Variants in B3GALT1 observed in about 807,000 individuals in gnomAD.
B3GALT1 encodes beta-1,3-galactosyltransferase 1, also known as UDP-Gal:betaGlcNAc beta 1,3-galactosyltransferase, polypeptide 1.
B3GALT1 carries 10 observed loss-of-function variants against 23.2 expected under a neutral mutation model. The ratio of observed to expected loss-of-function variants is 0.43; its 90% CI spans 0.27 to 0.73. The LOEUF (loss-of-function observed/expected upper bound fraction) is 0.73. Ranked by LOEUF, B3GALT1 falls within the 30% of genes least tolerant of loss-of-function variation. B3GALT1 has a pLI of 0.21. For synonymous variants in B3GALT1, 156 were observed against 141.5 expected, an observed-to-expected ratio of 1.10 and a Z score of -0.73; for missense variants, 299 against 405.4, an observed-to-expected ratio of 0.74 and a Z score of 2.25.
chr2:167,746,595 A>G (rs956636378), intron 3 of B3GALT1, among the ~76,000 whole-genome samples: 7 of 152,246 alleles, frequency 4.6e-5, no homozygotes, highest in African/African-American at 1.2e-4. Flanking sequence ...ATATGTGACA[A>G]TGGAGCCGCT....
intron 2 of B3GALT1, among the ~76,000 whole-genome samples, chr2:167,492,908 G>C (rs1401726126): frequency 2.1e-5 from 3 of 145,236 alleles, no homozygotes; most frequent in Non-Finnish European, 4.5e-5. Flanking sequence ...TGTGTACCTA[G>C]TATTCTCTGT....
chr2:167,480,464 C>T (rs989208710), intron 1 of B3GALT1, among the ~76,000 whole-genome samples: 6 of 152,194 alleles, frequency 3.9e-5, no homozygotes, highest in Non-Finnish European at 5.9e-5. Flanking sequence ...GCTAGGGCTG[C>T]CCACTCTGCA....
chr2:167,416,245 C>G (rs1346247392), intron 1 of B3GALT1, among the ~76,000 whole-genome samples: 1 of 152,174 alleles, frequency 6.6e-6, no homozygotes, highest in Non-Finnish European at 1.5e-5. Flanking sequence ...GGCCTGCTGC[C>G]CAGGGTTACC....
chr2:167,470,885 A>G (rs2105330816), intron 1 of B3GALT1, among the ~76,000 whole-genome samples: 1 of 152,344 alleles, frequency 6.6e-6, no homozygotes, highest in South Asian at 2.1e-4. Flanking sequence ...GATCAATTTC[A>G]TATAGCTATT....
intron 2 of B3GALT1, among the ~76,000 whole-genome samples, chr2:167,569,708 G>A (rs1031935843): frequency 6.6e-6 from 1 of 151,822 alleles, no homozygotes; most frequent in Admixed American, 6.6e-5. Flanking sequence ...TTGAAAAGGA[G>A]TGATGAGAGG....
intron 1 of B3GALT1, among the ~76,000 whole-genome samples, chr2:167,484,958 C>A (rs527301266): frequency 1.3e-5 from 2 of 152,162 alleles, no homozygotes; most frequent in East Asian, 3.9e-4. Context: ...CGGTATCTTA[C>A]AGCTGTAAAG....
chr2:167,537,380 T>C (rs1185464155), intron 2 of B3GALT1, among the ~76,000 whole-genome samples: 3 of 151,864 alleles, frequency 2.0e-5, no homozygotes, highest in African/African-American at 7.3e-5. Flanking sequence ...ACCATATCAG[T>C]GATCAAAAAG....
intron 3 of B3GALT1, among the ~76,000 whole-genome samples, chr2:167,711,958 A>G (rs982677798): frequency 3.3e-5 from 5 of 152,200 alleles, no homozygotes; most frequent in African/African-American, 4.8e-5. Flanking sequence ...ACAGAGCGCA[A>G]CTTCGTCTCA....
intron 2 of B3GALT1, among the ~76,000 whole-genome samples, chr2:167,554,034 T>A (rs554646263): frequency 6.6e-6 from 1 of 152,296 alleles, no homozygotes; most frequent in East Asian, 1.9e-4. Context: ...GGGATCTGCG[T>A]TTATTAGGAG....
chr2:167,853,108 A>G (rs760844261), intron 4 of B3GALT1, among the ~76,000 whole-genome samples: 6 of 152,224 alleles, frequency 3.9e-5, no homozygotes, highest in Non-Finnish European at 7.4e-5. Flanking sequence ...TTGTAAAGCT[A>G]CAAAGGATTA....
Position 167,793,856 on chromosome 2 carries a change from T to A in B3GALT1, c.-351-24816T>A, listed in dbSNP as rs61214477. Among the ~76,000 whole-genome samples the A allele has an allele frequency of 2.0e-5, 3 of 152,308 alleles. No homozygotes were observed. The East Asian group carries it at 5.8e-4, about 29-fold the overall frequency. ...GCCATAGACTGTGTCTCTCTATAAA[T>A]TCCCTGAGCACATTTCCTCTTTCAA... On this transcript the variant is annotated intron_variant, in intron 3 of 4. Transcript: ENST00000392690.
chr2:167,421,784 A>G (rs1047386660), intron 1 of B3GALT1, among the ~76,000 whole-genome samples: 2 of 152,236 alleles, frequency 1.3e-5, no homozygotes, highest in Non-Finnish European at 2.9e-5. Flanking sequence ...AACCTCTGCT[A>G]TGGACTGAGG....
intron 1 of B3GALT1, among the ~76,000 whole-genome samples, chr2:167,371,201 TA>T (rs1559077867): frequency 6.6e-6 from 1 of 151,990 alleles, no homozygotes. Flanking sequence ...TTTTTTTTTT[TA>T]TCACTGCTAT....
chr2:167,869,223 T>G lies in B3GALT1; in HGVS notation c.184T>G (p.Ser62Ala). Residue 62 changes from serine (S) to alanine (A), a missense_variant, in exon 5 of 5, where the codon TCT becomes GCT. Around this residue, in one of 3 missense-constraint regions of B3GALT1, gnomAD observed 162 missense variants for 184.1 expected, o/e 0.88. Coordinates refer to ENST00000392690, the MANE Select transcript of B3GALT1 (RefSeq NM_020981.4). This position sits in a 1 kb window ranked among gnomAD's most constrained non-coding sequence, Gnocchi z 6.4. The part of the protein sequence containing the change: ...NIRTRPINPH[S>A]FEFLINEPNK... ...AAGAACTCGACCTATCAACCCACAT[T>G]CTTTTGAATTTCTTATCAACGAGCC... 6.2e-7 allele frequency: 1 copy of G among 1,614,172 alleles called. No homozygotes were observed. Among genetic ancestry groups the G allele is most frequent in the Non-Finnish European group, 8.5e-7 (1 of 1,180,010 alleles).
chr2:167,736,949 A>G (rs1382507832), intron 3 of B3GALT1, among the ~76,000 whole-genome samples: 1 of 151,670 alleles, frequency 6.6e-6, no homozygotes, highest in Non-Finnish European at 1.5e-5. Context: ...CCCCCCAAAA[A>G]AAGAATTAAA....
chr2:167,309,667 A>G (rs1341828508), intron 1 of B3GALT1, among the ~76,000 whole-genome samples: 1 of 152,100 alleles, frequency 6.6e-6, no homozygotes, highest in Non-Finnish European at 1.5e-5. Flanking sequence ...AACCCAATTC[A>G]TTAACAATGA....
intron 2 of B3GALT1, among the ~76,000 whole-genome samples, chr2:167,505,963 G>A (rs1220081544): frequency 6.6e-6 from 1 of 152,092 alleles, no homozygotes. Context: ...GGGAGGCTGA[G>A]GCAGGAGAAT....
intron 3 of B3GALT1, among the ~76,000 whole-genome samples, chr2:167,652,661 T>C (rs995689424): frequency 2.0e-5 from 3 of 152,138 alleles, no homozygotes; most frequent in Non-Finnish European, 4.4e-5. Context: ...CATCTTATGG[T>C]GCCCTTATTA....
At chr2:167,680,642 A>T (rs1055531188) in intron 3 of B3GALT1, among the ~76,000 whole-genome samples, 1 of 152,228 alleles carries the variant, frequency 6.6e-6, no homozygotes, top group Non-Finnish European at 1.5e-5. Flanking sequence ...TTTGTGATTC[A>T]TGTAGTTTTT....
Sources: allele counts gnomAD v4.1 joint callset (sites outside exome capture counted in the v4.1 genomes callset), GRCh38; gene constraint gnomAD v4.1.1; regional missense constraint gnomAD v4.1.1; non-coding constraint Gnocchi (gnomAD v3.1); transcripts MANE v1.5; gene names NCBI Gene and HGNC (gene_info 2026-07-23, HGNC 2026-07-21).